The following GRID2 variants were observed in gnomAD, a reference collection of about 807,000 sequenced individuals.
GRID2 encodes the protein glutamate ionotropic receptor delta type subunit 2.
In GRID2, 33 loss-of-function variants were observed where a neutral mutation model predicts 114.8. The ratio of observed to expected loss-of-function variants is 0.29; its 90% CI spans 0.22 to 0.38. The LOEUF (loss-of-function observed/expected upper bound fraction) is 0.38, where lower values mean the gene tolerates loss of function less well. Among genes scored for constraint, GRID2 ranks in the 10% least tolerant of loss-of-function variants. The probability of loss-of-function intolerance (pLI) is 1.00; values close to 1 mark genes in which losing one functional copy is unlikely to be tolerated. For missense variants in GRID2, 1,184 were observed against 1,257.7 expected (o/e 0.94, Z 0.89); for synonymous variants, 505 against 449.9 (o/e 1.12, Z -1.55).
intron 14 of GRID2, among the ~76,000 whole-genome samples, chr4:93,749,569 G>A (rs1164825894): frequency 6.6e-6 from 1 of 152,150 alleles, no homozygotes; most frequent in Non-Finnish European, 1.5e-5. Flanking sequence ...GAGGCAAACC[G>A]AGGCTGTTAG....
intron 1 of GRID2, among the ~76,000 whole-genome samples, chr4:92,427,262 T>C (rs1732206813): frequency 6.6e-6 from 1 of 152,122 alleles, no homozygotes; most frequent in African/African-American, 2.4e-5. Flanking sequence ...ACCTTATCAG[T>C]ATTTAGACGA....
At chr4:92,525,944 A>G (rs181985164) in intron 1 of GRID2, among the ~76,000 whole-genome samples, 1 of 152,256 alleles carries the variant, frequency 6.6e-6, no homozygotes, top group Admixed American at 6.5e-5. Context: ...AACAAAGGAT[A>G]GAAGTGATAA....
intron 2 of GRID2, among the ~76,000 whole-genome samples, chr4:92,979,830 A>G (rs1578662717): frequency 1.3e-5 from 2 of 152,246 alleles, no homozygotes; most frequent in South Asian, 4.1e-4. Context: ...GCATTTAGCA[A>G]ATTTAGCTCA....
intron 14 of GRID2, among the ~76,000 whole-genome samples, chr4:93,636,648 C>T (rs1421449505): frequency 6.6e-6 from 1 of 152,088 alleles, no homozygotes; most frequent in Non-Finnish European, 1.5e-5. Flanking sequence ...AATCAAAGAA[C>T]ATGCTACTTT....
chr4:93,561,345 T>C (rs888951503), intron 13 of GRID2, among the ~76,000 whole-genome samples: 3 of 152,272 alleles, frequency 2.0e-5, no homozygotes, highest in Non-Finnish European at 2.9e-5. Context: ...CCAATTTTTC[T>C]TAAATTGTGT....
At chr4:92,876,132 C>G (rs1295850636) in intron 2 of GRID2, among the ~76,000 whole-genome samples, 1 of 151,740 alleles carries the variant, frequency 6.6e-6, no homozygotes, top group Non-Finnish European at 1.5e-5. Context: ...TCATTTAATC[C>G]TCAATTTCCA....
intron 2 of GRID2, among the ~76,000 whole-genome samples, chr4:92,813,449 G>A (rs982775947): frequency 2.6e-5 from 4 of 152,000 alleles, no homozygotes; most frequent in Admixed American, 1.3e-4. Context: ...GTATGCTGTG[G>A]GGATTTGATT....
intron 9 of GRID2, among the ~76,000 whole-genome samples, chr4:93,397,409 G>C (rs374559269): frequency 0.037 from 5,566 of 152,054 alleles, 154 homozygotes; most frequent in Middle Eastern, 0.058. Context: ...TTCCTCCAGT[G>C]ATTAGCATGA....
intron 1 of GRID2, among the ~76,000 whole-genome samples, chr4:92,389,082 T>C (rs1026112708): frequency 1.1e-4 from 16 of 152,034 alleles, no homozygotes; most frequent in Admixed American, 3.3e-4. Flanking sequence ...AGGACAGTAG[T>C]TAATAACATA....
At chr4:92,708,479 G>A (rs2149307147) in intron 2 of GRID2, among the ~76,000 whole-genome samples, 1 of 152,234 alleles carries the variant, frequency 6.6e-6, no homozygotes, top group East Asian at 1.9e-4. Flanking sequence ...GAATTGGGCA[G>A]CATGGGTTTG....
intron 2 of GRID2, among the ~76,000 whole-genome samples, chr4:92,689,732 T>G (rs1734085315): frequency 6.6e-6 from 1 of 152,158 alleles, no homozygotes; most frequent in Non-Finnish European, 1.5e-5. Context: ...ATATTGGGGG[T>G]GGTTGTTCTA....
intron 14 of GRID2, among the ~76,000 whole-genome samples, chr4:93,637,793 T>C (rs1025971100): frequency 1.3e-5 from 2 of 152,200 alleles, no homozygotes; most frequent in South Asian, 4.1e-4. Flanking sequence ...AATCAAAACT[T>C]TAATTCTTCC....
At chr4:92,885,091 T>A (rs1673582157) in intron 2 of GRID2, 1 of 319,858 alleles carries the variant, frequency 3.1e-6, no homozygotes, top group African/African-American at 2.2e-5. Flanking sequence ...TTTATTGAAA[T>A]AAAAAAACTG....
intron 2 of GRID2, among the ~76,000 whole-genome samples, chr4:93,014,131 C>T (rs1273561603): frequency 2.0e-5 from 3 of 151,988 alleles, no homozygotes; most frequent in Non-Finnish European, 4.4e-5. Flanking sequence ...TATGGGTGTT[C>T]TACATGCTAA....
At chr4:92,921,412 G>T (rs1386836157) in intron 2 of GRID2, among the ~76,000 whole-genome samples, 1 of 152,162 alleles carries the variant, frequency 6.6e-6, no homozygotes, top group Non-Finnish European at 1.5e-5. Context: ...TCCTTTGAAG[G>T]AGGAGAGGCG....
chr4:93,617,242 G>A (rs1328020002), intron 13 of GRID2, among the ~76,000 whole-genome samples: 1 of 152,168 alleles, frequency 6.6e-6, no homozygotes, highest in African/African-American at 2.4e-5. Flanking sequence ...ATGAGGAAAA[G>A]TAGCTTCATT....
intron 4 of GRID2, among the ~76,000 whole-genome samples, chr4:93,118,806 G>T (rs1186060279): frequency 1.3e-5 from 2 of 152,188 alleles, no homozygotes; most frequent in Non-Finnish European, 2.9e-5. Flanking sequence ...ACCAAGTTCA[G>T]CAAGTGCCTT....
intron 8 of GRID2, among the ~76,000 whole-genome samples, chr4:93,324,224 C>T (rs1188139799): frequency 1.3e-5 from 2 of 152,090 alleles, no homozygotes; most frequent in Non-Finnish European, 2.9e-5. Context: ...TACATCCCAT[C>T]AATAACTAGT....
At chr4:93,273,387 G>A (rs908276799) in intron 8 of GRID2, among the ~76,000 whole-genome samples, 2 of 152,030 alleles carry the variant, frequency 1.3e-5, no homozygotes, top group Non-Finnish European at 2.9e-5. Context: ...TTATTTAATT[G>A]AGGAAGAAAG....
Sources: gnomAD v4.1 joint callset for allele counts (sites outside exome capture counted in the v4.1 genomes callset) on GRCh38, gnomAD v4.1.1 for gene constraint, MANE v1.5 for transcripts, NCBI Gene and HGNC (gene_info 2026-07-23, HGNC 2026-07-21) for gene names.